GXYLT2: variants seen among roughly 807,000 people sequenced by gnomAD.
GXYLT2 encodes the protein glycosyltransferase 8 domain containing 4.
Under a neutral mutation model 45.8 loss-of-function variants are expected in GXYLT2, and 53 were observed. That is an observed-to-expected ratio of 1.16 (90% CI 0.93 to 1.46). GXYLT2 has a LOEUF of 1.46. Ranked by LOEUF, GXYLT2 falls within the 40% of genes most tolerant of loss-of-function variation. The pLI, the probability that GXYLT2 is intolerant of heterozygous loss-of-function variation, is 0.00. For synonymous variants in GXYLT2, 219 were observed against 214.2 expected (o/e 1.02, Z -0.19); for missense variants, 551 against 544.4 (o/e 1.01, Z -0.12).
chr3:72,891,672 G>A (rs1031089223), intron 1 of GXYLT2, among the ~76,000 whole-genome samples: 1 of 152,142 alleles, frequency 6.6e-6, no homozygotes, highest in African/African-American at 2.4e-5. Flanking sequence ...TCCAAAAAGA[G>A]TCTAAGACAA....
chr3:72,937,220 AAATAG>A (rs1370461102), intron 3 of GXYLT2, among the ~76,000 whole-genome samples: 5 of 152,206 alleles, frequency 3.3e-5, no homozygotes, highest in Non-Finnish European at 5.9e-5. Flanking sequence ...TTAAAAAAAG[AAATAG>A]AATAGAATAA....
chr3:72,902,430 G>GA (rs1709426376), intron 1 of GXYLT2, among the ~76,000 whole-genome samples: 1 of 152,204 alleles, frequency 6.6e-6, no homozygotes, highest in Non-Finnish European at 1.5e-5. Context: ...CAAACACTAA[G>GA]AACACTGAAT....
intron 3 of GXYLT2, among the ~76,000 whole-genome samples, chr3:72,937,586 T>C (rs1367864959): frequency 6.6e-6 from 1 of 152,218 alleles, no homozygotes; most frequent in Non-Finnish European, 1.5e-5. Context: ...ATCCTTTTCC[T>C]GGGGTAAATC....
At chr3:72,923,284 G>T (rs566868872) in intron 3 of GXYLT2, among the ~76,000 whole-genome samples, 1 of 151,820 alleles carries the variant, frequency 6.6e-6, no homozygotes, top group Non-Finnish European at 1.5e-5. Context: ...GCATGGTGGC[G>T]CATGCCTGTA....
intron 6 of GXYLT2, among the ~76,000 whole-genome samples, chr3:72,968,014 C>A (rs1411350275): frequency 6.6e-6 from 1 of 152,128 alleles, no homozygotes; most frequent in East Asian, 1.9e-4. Flanking sequence ...TGCTCTGTTA[C>A]CCAGGCTGGA....
At chr3:72,909,194 G>A (rs992427479) in intron 2 of GXYLT2, among the ~76,000 whole-genome samples, 4 of 147,620 alleles carry the variant, frequency 2.7e-5, no homozygotes, top group African/African-American at 1.0e-4. Flanking sequence ...TCAGCCTCCC[G>A]AGTAGCTGTG....
intron 2 of GXYLT2, among the ~76,000 whole-genome samples, chr3:72,909,216 G>C: frequency 6.6e-6 from 1 of 151,608 alleles, no homozygotes; most frequent in African/African-American, 2.4e-5. Flanking sequence ...TTACAGGACT[G>C]TGCCCCCATG....
intron 1 of GXYLT2, among the ~76,000 whole-genome samples, chr3:72,896,090 C>T (rs946829555): frequency 2.6e-5 from 4 of 152,036 alleles, no homozygotes; most frequent in Non-Finnish European, 5.9e-5. Context: ...TATTATTATC[C>T]ATCATTGCAT....
At chr3:72,971,947 TAA>T (rs77835059) in intron 6 of GXYLT2, among the ~76,000 whole-genome samples, 3,338 of 130,412 alleles carry the variant, frequency 0.026, 105 homozygotes, top group African/African-American at 0.085. Context: ...ACACTCCATC[TAA>T]AAAAAAAAAA....
chr3:72,904,555 G>C (rs564433839), intron 1 of GXYLT2, among the ~76,000 whole-genome samples: 1 of 151,660 alleles, frequency 6.6e-6, no homozygotes, highest in African/African-American at 2.4e-5. Flanking sequence ...CCTGCTTTTT[G>C]TACTGTGCAG....
At chr3:72,967,426 C>A in intron 5 of GXYLT2, 121 bp from the exon 6 acceptor site, 1 of 688,542 alleles carries the variant, frequency 1.5e-6, no homozygotes, top group Non-Finnish European at 2.3e-6. Flanking sequence ...TAAAAAATCA[C>A]ACTCCTGTAC....
intron 2 of GXYLT2, among the ~76,000 whole-genome samples, chr3:72,915,178 G>A (rs933230951): frequency 6.6e-6 from 1 of 151,768 alleles, no homozygotes; most frequent in African/African-American, 2.4e-5. Context: ...GTTTTATTGC[G>A]AGCAACCTAG....
In GXYLT2 at chr3:72,942,602, G is replaced by A. The variant is rs139600004; in HGVS notation, c.601-12496G>A. ...AATCAAGACTGATATCACTTGGCCC[G>A]GTCAACATCGTATATGCCCAGGCGT... is the stretch of plus-strand genomic sequence containing the variant. On this transcript the variant is annotated intron_variant, in intron 3 of 6. Transcript: ENST00000389617. Among the ~76,000 whole-genome samples the A allele has an allele frequency of 5.3e-5, 8 of 152,182 alleles. No individual in the cohort carries two copies. The East Asian group carries it at 9.6e-4, about 18-fold the overall frequency.
intron 3 of GXYLT2, among the ~76,000 whole-genome samples, chr3:72,938,141 T>C (rs1710225424): frequency 6.6e-6 from 1 of 152,198 alleles, no homozygotes; most frequent in African/African-American, 2.4e-5. Context: ...TCTTTGATCT[T>C]CTGCACCTAC....
At chr3:72,920,484 G>T (rs1479535207) in intron 2 of GXYLT2, among the ~76,000 whole-genome samples, 2 of 151,990 alleles carry the variant, frequency 1.3e-5, no homozygotes, top group African/African-American at 2.4e-5. Context: ...GCGCTGGCTG[G>T]TCTCAAATTC....
chr3:72,896,790 C>A (rs966166093), intron 1 of GXYLT2, among the ~76,000 whole-genome samples: 2 of 151,786 alleles, frequency 1.3e-5, no homozygotes, highest in African/African-American at 4.8e-5. Flanking sequence ...GCAGAGGTTG[C>A]AGTGAGCCGA....
chr3:72,948,026 A>G (rs2107133260), intron 3 of GXYLT2, among the ~76,000 whole-genome samples: 1 of 152,356 alleles, frequency 6.6e-6, no homozygotes, highest in South Asian at 2.1e-4. Context: ...AAATAGAGAA[A>G]AAGATAAATT....
Position 72,922,215 on chromosome 3 carries a change from G to T in GXYLT2, c.480G>T (p.Trp160Cys). ...KPEFDKQLRQ[W>C]PDSYTKKFEH... is the part of the protein sequence containing the mutation. Reference sequence around the variant, plus strand: ...CCCATGTTTTTCAGTTACGCCAGTGGCCTGACTCATATACAAAGAAGTTTG... The same window carrying T: ...CCCATGTTTTTCAGTTACGCCAGTGTCCTGACTCATATACAAAGAAGTTTG... Residue 160 changes from tryptophan to cysteine, a missense_variant, in exon 3 of 7, where the codon TGG becomes TGT. Transcript: ENST00000389617. The T allele has an allele frequency of 6.2e-7, 1 of 1,613,188 alleles. No individual in the cohort carries two copies. Among genetic ancestry groups the T allele is most frequent in the East Asian group, 2.2e-5 (1 of 44,836 alleles).
chr3:72,956,869 G>A (rs780271320), intron 4 of GXYLT2, among the ~76,000 whole-genome samples: 9 of 136,876 alleles, frequency 6.6e-5, no homozygotes, highest in South Asian at 2.5e-4. Context: ...CAGCCTGGGC[G>A]ACAGAGCAAG....
Sources: allele counts gnomAD v4.1 joint callset (sites outside exome capture counted in the v4.1 genomes callset), GRCh38; gene constraint gnomAD v4.1.1; transcripts MANE v1.5; gene names NCBI Gene and HGNC (gene_info 2026-07-23, HGNC 2026-07-21).